Variants in ZNRF4 observed in about 807,000 individuals in gnomAD.
ZNRF4 encodes the protein zinc and ring finger 4.
For missense variants in ZNRF4, 569 were observed against 609.4 expected (o/e 0.93, Z 0.70); for synonymous variants, 291 against 285.9 (o/e 1.02, Z -0.18).
rs763153212 is a variant in ZNRF4 at position 5,455,705 on chromosome 19, G to C, written c.214G>C (p.Gly72Arg). ...STQTAKRVTM[G>R]WPRPGRALVA... ...ACAGACAGCGAAGCGGGTGACCATG[G>C]GGTGGCCACGGCCGGGCCGAGCCCT... The change falls in exon 1 of 1, where the codon GGG becomes CGG. Residue 72 changes from glycine to arginine, a missense_variant. By Grantham distance (125) the Gly-to-Arg change is moderately radical (BLOSUM62 -2). Transcript: ENST00000222033. 1 of 1,608,020 alleles carries C rather than the reference G, an allele frequency of 6.2e-7. No homozygotes were observed. The highest frequency in any genetic ancestry group is 1.1e-5 in the South Asian group (1 of 91,044).
chr19:5,456,182 T>C lies in ZNRF4; in HGVS notation c.691T>C (p.Ser231Pro), dbSNP rs1380200843. ...GCGGGTCATCCTGGGCTGCAACAAG[T>C]CGGCCCACGCGCTGCTCCTGCCCGA... The part of the protein sequence containing the change: ...DLRVILGCNK[S>P]AHALLLPDDP... The change falls in exon 1 of 1, where the codon TCG becomes CCG. Residue 231 changes from serine (S) to proline (P), a missense_variant. By Grantham distance (74) the Ser-to-Pro change is moderately conservative. Transcript: ENST00000222033. The C allele has an allele frequency of 6.2e-7, 1 of 1,608,284 alleles. No homozygotes were observed. Among genetic ancestry groups the C allele is most frequent in the Non-Finnish European group, 8.5e-7 (1 of 1,179,796 alleles).
chr19:5,455,440 A>C lies in ZNRF4; in HGVS notation c.-52A>C. The C allele has an allele frequency of 6.5e-7, 1 of 1,529,994 alleles. No homozygotes were observed. Among genetic ancestry groups the C allele is most frequent in the Middle Eastern group, 2.1e-4 (1 of 4,826 alleles). The allele number at this position is 1,529,994 out of a possible 1,614,324, so 94.8% of individuals were successfully genotyped here. A position where few individuals can be genotyped will look rare whatever the true frequency, so the allele number is the denominator to read the frequency against. On this transcript the variant is annotated 5_prime_UTR_variant, in exon 1 of 1. Transcript: ENST00000222033. ...TCCTGGTCTCCATGTCATCTGCCAG[A>C]AAGGCCACCTGCGCCAGCACCTCCT...
chr19:5,456,554 G>T lies in ZNRF4; in HGVS notation c.1063G>T (p.Val355Leu). ...CTCCTGCCCCGTGTGCAAACAGTCG[G>T]TGGCCGCCACAGAAGACAGCTTTGA... Reference protein sequence around the residue: ...RRSCPVCKQSVAATEDSFDST... With the variant: ...RRSCPVCKQSLAATEDSFDST... Residue 355 changes from valine (V) to leucine (L), a missense_variant, in exon 1 of 1, where the codon GTG (valine) becomes TTG (leucine). Val to Leu is a conservative substitution (Grantham distance 32). Transcript: ENST00000222033. 1.2e-6 allele frequency: 2 copies of T among 1,614,106 alleles called. No homozygotes were observed. Among genetic ancestry groups the T allele is most frequent in the Non-Finnish European group, 1.7e-6 (2 of 1,180,012 alleles).
At position 5,455,888 on chromosome 19, in the gene ZNRF4, C is replaced by A; in HGVS notation, c.397C>A (p.Leu133Met). Residue 133 changes from leucine (L) to methionine (M), a missense_variant, in exon 1 of 1, where the codon CTG (leucine) becomes ATG (methionine). By Grantham distance (15) the Leu-to-Met change is conservative (BLOSUM62 2). Coordinates refer to ENST00000222033, the MANE Select transcript of ZNRF4 (RefSeq NM_181710.4). ...GGCCCCCGAGGGCATACGGGGCTAC[C>A]TGATGGAGGTCAAGCCAGCCAACGC... is the stretch of plus-strand genomic sequence containing the variant. ...PLAPEGIRGY[L>M]MEVKPANACH... 1 of 1,602,992 alleles carries A rather than the reference C, an allele frequency of 6.2e-7. No homozygotes were observed. The highest frequency in any genetic ancestry group is 8.5e-7 in the Non-Finnish European group (1 of 1,179,542).
Position 5,455,736 on chromosome 19 carries a change from C to T in ZNRF4, c.245C>T (p.Ala82Val). 6.2e-7 allele frequency: 1 copy of T among 1,605,614 alleles called. No individual in the cohort carries two copies. The highest frequency in any genetic ancestry group is 8.5e-7 in the Non-Finnish European group (1 of 1,179,812). ...CCACGGCCGGGCCGAGCCCTCGTGG[C>T]AGTCAAAGCCTTGCTGGTCTTGTCG... ...GWPRPGRALV[A>V]VKALLVLSLL... Residue 82 changes from alanine (A) to valine (V), a missense_variant, in exon 1 of 1, where the codon GCA (alanine) becomes GTA (valine). Ala to Val is a moderately conservative substitution (Grantham distance 64, BLOSUM62 0). Transcript: ENST00000222033.
chr19:5,455,449 C>G lies in ZNRF4; in HGVS notation c.-43C>G. 6.5e-7 allele frequency: 1 copy of G among 1,542,930 alleles called. No individual in the cohort carries two copies. Among genetic ancestry groups the G allele is most frequent in the Non-Finnish European group, 8.7e-7 (1 of 1,145,940 alleles). On this transcript the variant is annotated 5_prime_UTR_variant, in exon 1 of 1. Coordinates refer to ENST00000222033, the MANE Select transcript of ZNRF4 (RefSeq NM_181710.4). ...CCATGTCATCTGCCAGAAAGGCCAC[C>G]TGCGCCAGCACCTCCTGAGACCGGC...
In ZNRF4 at chr19:5,456,216, C is replaced by T. The variant is rs752680787; in HGVS notation, c.725C>T (p.Pro242Leu). Residue 242 changes from proline (P) to leucine (L), a missense_variant, in exon 1 of 1, where the codon CCG (proline) becomes CTG (leucine). Pro to Leu is a moderately conservative substitution (Grantham distance 98). Coordinates refer to ENST00000222033, the MANE Select transcript of ZNRF4 (RefSeq NM_181710.4). The part of the protein sequence containing the change: ...AHALLLPDDP[P>L]CHDLGCHPVL... ...GCGCTGCTCCTGCCCGACGACCCAC[C>T]GTGCCACGACCTGGGCTGTCACCCC... The T allele has an allele frequency of 3.7e-6, 6 of 1,611,368 alleles. No individual in the cohort carries two copies. Among genetic ancestry groups the T allele is most frequent in the East Asian group, 2.2e-5 (1 of 44,864 alleles).
At position 5,455,866 on chromosome 19, in the gene ZNRF4, C is replaced by T. The variant is rs745958385; in HGVS notation, c.375C>T (p.Ala125=). The change falls in exon 1 of 1, where the codon GCC becomes GCT. Residue 125 remains alanine, a synonymous_variant. Transcript: ENST00000222033. ...DLPALFGVPL[A]PEGIRGYLME... ...CGGCGCTGTTCGGCGTCCCCCTGGC[C>T]CCCGAGGGCATACGGGGCTACCTGA... 1.9e-6 allele frequency: 3 copies of T among 1,603,560 alleles called. No individual in the cohort carries two copies. The South Asian group carries it at 3.3e-5, about 18-fold the overall frequency.
Position 5,455,844 on chromosome 19 carries a change from C to T in ZNRF4, c.353C>T (p.Ala118Val), listed in dbSNP as rs149951234. 1.6e-5 allele frequency: 25 copies of T among 1,603,904 alleles called. No individual in the cohort carries two copies. The highest frequency in any genetic ancestry group is 1.5e-4 in the African/African-American group (11 of 75,068). The change falls in exon 1 of 1, where the codon GCG becomes GTG. Residue 118 changes from alanine to valine, a missense_variant. By Grantham distance (64) the Ala-to-Val change is moderately conservative (BLOSUM62 0). Transcript: ENST00000222033. ...TCGGTGGACTTTGCGGATCTGCCGG[C>T]GCTGTTCGGCGTCCCCCTGGCCCCC... ...SSSVDFADLP[A>V]LFGVPLAPEG...
chr19:5,456,824 G>A lies in ZNRF4; in HGVS notation c.*43G>A, dbSNP rs943840999. ...GGGGGTGCAATGAGGAATGTTTCTG[G>A]TCTGAAAAGAATAAAGTGGGTTTGA... On this transcript the variant is annotated 3_prime_UTR_variant, in exon 1 of 1. Transcript: ENST00000222033. 6.7e-7 allele frequency: 1 copy of A among 1,482,372 alleles called. No individual in the cohort carries two copies. The highest frequency in any genetic ancestry group is 1.4e-5 in the African/African-American group (1 of 70,554). The allele number at this position is 1,482,372 out of a possible 1,614,324, so 91.8% of individuals were successfully genotyped here. A position where few individuals can be genotyped will look rare whatever the true frequency, so the allele number is the denominator to read the frequency against.
chr19:5,456,100 G>A lies in ZNRF4; in HGVS notation c.609G>A (p.Leu203=). The change falls in exon 1 of 1, where the codon TTG becomes TTA. Residue 203 remains leucine (L), a synonymous_variant. Coordinates refer to ENST00000222033, the MANE Select transcript of ZNRF4 (RefSeq NM_181710.4). ...GCATGACCCACGTCTACGAGGACTT[G>A]AGGGGCCAGATCGCCATCCCCTCAG... is the stretch of plus-strand genomic sequence containing the variant. The part of the protein sequence containing the change: ...LVSMTHVYED[L]RGQIAIPSVF... The A allele has an allele frequency of 6.2e-7, 1 of 1,606,736 alleles. No individual in the cohort carries two copies. The highest frequency in any genetic ancestry group is 8.5e-7 in the Non-Finnish European group (1 of 1,179,880).
In ZNRF4 at chr19:5,456,593, A is replaced by AG. The variant is rs754399971; in HGVS notation, c.1103dup (p.Ser368ArgfsTer58). The AG allele has an allele frequency of 1.9e-6, 3 of 1,613,284 alleles. No homozygotes were observed. The East Asian group carries it at 6.7e-5, about 36-fold the overall frequency. On this transcript the variant is annotated frameshift_variant, in exon 1 of 1. Coordinates refer to ENST00000222033, the MANE Select transcript of ZNRF4 (RefSeq NM_181710.4). LOFTEE classifies it low-confidence loss of function (END_TRUNC). The stretch of plus-strand genomic sequence containing the variant: ...AGACAGCTTTGACTCCACCACCTAC[A>AG]GCTTCAGGGACGAGGACCCCTCCCT...
chr19:5,456,064 C>T lies in ZNRF4; in HGVS notation c.573C>T (p.Asp191=), dbSNP rs975902849. 12 of 1,604,522 alleles carry T rather than the reference C, an allele frequency of 7.5e-6. No homozygotes were observed. The highest frequency in any genetic ancestry group is 2.2e-5 in the South Asian group (2 of 91,084). The change falls in exon 1 of 1, where the codon GAC becomes GAT. Residue 191 remains aspartate, a synonymous_variant. Transcript: ENST00000222033. ...EAAIVHNVHS[D]DLVSMTHVYE... Reference sequence around the variant, plus strand: ...CCATCGTGCACAACGTCCACTCCGACGACCTCGTGAGCATGACCCACGTCT... The same window carrying T: ...CCATCGTGCACAACGTCCACTCCGATGACCTCGTGAGCATGACCCACGTCT...
In ZNRF4 at chr19:5,455,474, C is replaced by CA. The variant is rs768787977; in HGVS notation, c.-18_-17insA. 3.5e-5 allele frequency: 55 copies of CA among 1,577,844 alleles called. No individual in the cohort carries two copies. Among genetic ancestry groups the CA allele is most frequent in the Admixed American group, 1.4e-4 (8 of 56,976 alleles). Reference sequence around the variant, plus strand: ...CTGCGCCAGCACCTCCTGAGACCGGCCTTCAAAGACACGACGCATGCCGCT... The same window carrying CA: ...CTGCGCCAGCACCTCCTGAGACCGGCACTTCAAAGACACGACGCATGCCGCT... On this transcript the variant is annotated 5_prime_UTR_variant, in exon 1 of 1. Coordinates refer to ENST00000222033, the MANE Select transcript of ZNRF4 (RefSeq NM_181710.4).
Position 5,455,709 on chromosome 19 carries a change from G to A in ZNRF4, c.218G>A (p.Trp73Ter). 1 of 1,607,780 alleles carries A rather than the reference G, an allele frequency of 6.2e-7. No homozygotes were observed. ...TQTAKRVTMG[W>*]PRPGRALVAV... ...ACAGCGAAGCGGGTGACCATGGGGT[G>A]GCCACGGCCGGGCCGAGCCCTCGTG... Residue 73 changes from tryptophan to a stop codon, truncating the protein, a stop_gained, in exon 1 of 1, where the codon TGG becomes TAG. Coordinates refer to ENST00000222033, the MANE Select transcript of ZNRF4 (RefSeq NM_181710.4). LOFTEE classifies it low-confidence loss of function (END_TRUNC).
rs1696871335 is a variant in ZNRF4, at chr19:5,456,227, C to T, written c.736C>T (p.Leu246=). 6.2e-7 allele frequency: 1 copy of T among 1,612,286 alleles called. No individual in the cohort carries two copies. Among genetic ancestry groups the T allele is most frequent in the Non-Finnish European group, 8.5e-7 (1 of 1,180,008 alleles). ...GCCCGACGACCCACCGTGCCACGACCTGGGCTGTCACCCCGTGCTGACCGT... is the reference window on the plus strand; with the variant it reads ...GCCCGACGACCCACCGTGCCACGACTTGGGCTGTCACCCCGTGCTGACCGT... ...LLPDDPPCHD[L]GCHPVLTVSW... is the part of the protein sequence containing the mutation. The change falls in exon 1 of 1, where the codon CTG becomes TTG. Residue 246 remains leucine, a synonymous_variant. Transcript: ENST00000222033.
At position 5,456,426 on chromosome 19, in the gene ZNRF4, G is replaced by A. The variant is rs1426383440; in HGVS notation, c.935G>A (p.Cys312Tyr). 6.2e-7 allele frequency: 1 copy of A among 1,613,656 alleles called. No individual in the cohort carries two copies. Among genetic ancestry groups the A allele is most frequent in the Non-Finnish European group, 8.5e-7 (1 of 1,180,022 alleles). ...FTWHNDLCAI[C>Y]LDEYEEGDQL... ...TGGCACAACGACCTGTGTGCCATCT[G>A]CCTGGATGAGTATGAGGAGGGCGAC... The change falls in exon 1 of 1, where the codon TGC (cysteine) becomes TAC (tyrosine). Residue 312 changes from cysteine to tyrosine, a missense_variant. Physicochemically the swap from Cys to Tyr is radical, Grantham distance 194 (BLOSUM62 -2). Coordinates refer to ENST00000222033, the MANE Select transcript of ZNRF4 (RefSeq NM_181710.4).
At position 5,455,877 on chromosome 19, in the gene ZNRF4, T is replaced by C. The variant is rs763054587; in HGVS notation, c.386T>C (p.Ile129Thr). The C allele has an allele frequency of 1.2e-6, 2 of 1,603,290 alleles. No individual in the cohort carries two copies. The highest frequency in any genetic ancestry group is 1.3e-5 in the African/African-American group (1 of 74,932). The change falls in exon 1 of 1, where the codon ATA (isoleucine) becomes ACA (threonine). Residue 129 changes from isoleucine (I) to threonine (T), a missense_variant. Ile to Thr is a moderately conservative substitution (Grantham distance 89). Coordinates refer to ENST00000222033, the MANE Select transcript of ZNRF4 (RefSeq NM_181710.4). ...GGCGTCCCCCTGGCCCCCGAGGGCA[T>C]ACGGGGCTACCTGATGGAGGTCAAG... ...LFGVPLAPEG[I>T]RGYLMEVKPA...
At position 5,456,659 on chromosome 19, in the gene ZNRF4, C is replaced by T. The variant is rs1396603407; in HGVS notation, c.1168C>T (p.Leu390=). 8 of 1,613,756 alleles carry T rather than the reference C, an allele frequency of 5.0e-6. No homozygotes were observed. The African/African-American group carries it at 1.1e-4, about 22-fold the overall frequency. The part of the protein sequence containing the change: ...RPPIWAIQVQ[L]RSRRLELLGR... ...CCCCATCTGGGCCATTCAAGTCCAG[C>T]TACGCTCCCGGAGGCTGGAGCTGCT... is the stretch of plus-strand genomic sequence containing the variant. Residue 390 remains leucine, a synonymous_variant, in exon 1 of 1, where the codon CTA becomes TTA. Coordinates refer to ENST00000222033, the MANE Select transcript of ZNRF4 (RefSeq NM_181710.4).
Sources: gnomAD v4.1 joint callset for allele counts on GRCh38, gnomAD v4.1.1 for gene constraint, MANE v1.5 for transcripts, NCBI Gene and HGNC (gene_info 2026-07-23, HGNC 2026-07-21) for gene names.